The following FCRLA variants were observed in gnomAD, a reference collection of about 807,000 sequenced individuals.
FCRLA encodes Fc receptor-like A.
FCRLA carries 26 observed loss-of-function variants against 28.4 expected under a neutral mutation model. The ratio of observed to expected loss-of-function variants is 0.91; its 90% CI spans 0.67 to 1.27. The LOEUF (loss-of-function observed/expected upper bound fraction) is 1.27. FCRLA is among the 50% of genes most tolerant of loss of function. The pLI is 0.00. For synonymous variants in FCRLA, 174 were observed against 168.5 expected (o/e 1.03, Z -0.25); for missense variants, 422 against 433.1 (o/e 0.97, Z 0.23).
intron 1 of FCRLA, 30 bp downstream of exon 1, chr1:161,707,373 G>A (rs1486814857): frequency 1.3e-6 from 2 of 1,552,446 alleles, no homozygotes; most frequent in Non-Finnish European, 1.7e-6. Flanking sequence ...ATTGGTGTGG[G>A]AATGGAGCTT....
chr1:161,711,516 G>A (rs1449941507), intron 3 of FCRLA, 42 bp downstream of exon 3: 2 of 1,568,362 alleles, frequency 1.3e-6, no homozygotes, highest in East Asian at 4.5e-5. Context: ...GGGAGGGTAA[G>A]GAGAGACAGG....
At position 161,712,152 on chromosome 1, in the gene FCRLA, T is replaced by G; in HGVS notation, c.718T>G (p.Cys240Gly). The G allele has an allele frequency of 1.2e-6, 2 of 1,614,078 alleles. No homozygotes were observed. The highest frequency in any genetic ancestry group is 1.7e-6 in the Non-Finnish European group (2 of 1,180,002). Residue 240 changes from cysteine to glycine, a missense_variant, in exon 4 of 5, where the codon TGT (cysteine) becomes GGT (glycine). Coordinates refer to ENST00000236938, the MANE Select transcript of FCRLA (RefSeq NM_032738.4). Reference sequence around the variant, plus strand: ...AGAAGATCACTCCGGGTCATACTGGTGTGAGGCAGCCACTGAGGACAACCA... The same window carrying G: ...AGAAGATCACTCCGGGTCATACTGGGGTGAGGCAGCCACTGAGGACAACCA... ...ASEDHSGSYWCEAATEDNQVW... is the reference protein window; with the variant it reads ...ASEDHSGSYWGEAATEDNQVW...
At chr1:161,710,289 G>T (rs889712227) in intron 1 of FCRLA, 2 of 613,262 alleles carry the variant, frequency 3.3e-6, no homozygotes, top group Non-Finnish European at 5.8e-6. Context: ...GTTTCTTTAA[G>T]ATTATAAAAT....
chr1:161,712,241 G>A, intron 4 of FCRLA, 23 bp downstream of exon 4: 1 of 1,597,688 alleles, frequency 6.3e-7, no homozygotes, highest in Non-Finnish European at 8.5e-7. Flanking sequence ...CAGAGTGCAG[G>A]TTGTCTGTTT....
chr1:161,710,699 G>T (rs1407102674), intron 1 of FCRLA, 61 bp from the exon 2 acceptor site: 1 of 1,597,962 alleles, frequency 6.3e-7, no homozygotes, highest in Non-Finnish European at 8.6e-7. Flanking sequence ...GAGGAACCCT[G>T]TCCTCTTTCT....
At chr1:161,712,985 C>T (rs1683178290) in intron 4 of FCRLA, 100 bp from the exon 5 acceptor site, 1 of 1,398,936 alleles carries the variant, frequency 7.1e-7, no homozygotes, top group South Asian at 1.4e-5. Flanking sequence ...CATTGGGCCC[C>T]ACAGCCACTT....
At chr1:161,711,134 G>A (rs575580699) in intron 2 of FCRLA, 74 bp from the exon 3 acceptor site, 1 of 1,542,966 alleles carries the variant, frequency 6.5e-7, no homozygotes, top group Non-Finnish European at 8.7e-7. Context: ...AGAAAGTTTA[G>A]GGGAGTAGGC....
In FCRLA at chr1:161,710,632, A is replaced by G. The variant is rs947614401; in HGVS notation, c.80-128A>G. 6.2e-6 allele frequency: 9 copies of G among 1,457,088 alleles called. No individual in the cohort carries two copies. The Admixed American group carries it at 1.7e-4, about 28-fold the overall frequency. 90.3% of individuals were successfully genotyped at this position (1,457,088 alleles called of 1,614,324 possible). ...TCTCAGGGGTCTTTCCGAAAAAAAA[A>G]AAGGTTTTGATGTCTTACTAGTCTC... On this transcript the variant is annotated intron_variant, in intron 1 of 4. Coordinates refer to ENST00000236938, the MANE Select transcript of FCRLA (RefSeq NM_032738.4).
chr1:161,713,019 A>G (rs1683181020), intron 4 of FCRLA, 66 bp from the exon 5 acceptor site: 4 of 1,523,332 alleles, frequency 2.6e-6, no homozygotes, highest in Middle Eastern at 2.1e-4. Flanking sequence ...AAGATTGGCC[A>G]GGGATGGGAG....
At position 161,710,804 on chromosome 1, in the gene FCRLA, G is replaced by A; in HGVS notation, c.124G>A (p.Glu42Lys). The change falls in exon 2 of 5, where the codon GAG (glutamate) becomes AAG (lysine). Residue 42 changes from glutamate to lysine, a missense_variant. By Grantham distance (56) the Glu-to-Lys change is moderately conservative (BLOSUM62 1). Coordinates refer to ENST00000236938, the MANE Select transcript of FCRLA (RefSeq NM_032738.4). ...TLQCEGPVCT[E>K]ESSCHTEDDL... is the part of the protein sequence containing the mutation. ...GCAGTGTGAGGGACCTGTCTGCACT[G>A]AGGAGAGCAGCTGCCACACGGAGGA... The A allele has an allele frequency of 6.2e-7, 1 of 1,614,134 alleles. No homozygotes were observed. The highest frequency in any genetic ancestry group is 1.3e-5 in the African/African-American group (1 of 75,048).
At chr1:161,711,889 A>G (rs371288852) in intron 3 of FCRLA, 45 bp from the exon 4 acceptor site, 1 of 1,565,588 alleles carries the variant, frequency 6.4e-7, no homozygotes, top group African/African-American at 1.4e-5. Context: ...GTCTACCTGT[A>G]TATAAGATGG....
chr1:161,711,236 G>T lies in FCRLA; in HGVS notation c.261G>T (p.Lys87Asn). ...GGCTGATCCTCCAAGGTCCAGCCAA[G>T]CCAGTTTTTGAAGGGGACCTGCTGG... ...YDWLILQGPA[K>N]PVFEGDLLVL... The change falls in exon 3 of 5, where the codon AAG becomes AAT. Residue 87 changes from lysine to asparagine, a missense_variant. Coordinates refer to ENST00000236938, the MANE Select transcript of FCRLA (RefSeq NM_032738.4). 1 of 1,614,104 alleles carries T rather than the reference G, an allele frequency of 6.2e-7. No homozygotes were observed. The highest frequency in any genetic ancestry group is 1.1e-5 in the South Asian group (1 of 91,074).
At chr1:161,711,051 G>A (rs2101657260) in intron 2 of FCRLA, 139 bp downstream of exon 2, 1 of 1,431,448 alleles carries the variant, frequency 7.0e-7, no homozygotes, top group Non-Finnish European at 9.5e-7. Flanking sequence ...CAACCAGGGT[G>A]CTCTAAGTCC....
Position 161,710,794 on chromosome 1 carries a change from T to G in FCRLA, c.114T>G (p.Pro38=), listed in dbSNP as rs778213332. ...TTGAGACGCTGCAGTGTGAGGGACC[T>G]GTCTGCACTGAGGAGAGCAGCTGCC... The part of the protein sequence containing the change: ...ASFETLQCEG[P]VCTEESSCHT... The change falls in exon 2 of 5, where the codon CCT becomes CCG. Residue 38 remains proline (P), a synonymous_variant. Transcript: ENST00000236938. The G allele has an allele frequency of 6.2e-7, 1 of 1,614,138 alleles. No homozygotes were observed. The highest frequency in any genetic ancestry group is 1.7e-5 in the Admixed American group (1 of 60,020).
intron 1 of FCRLA, among the ~76,000 whole-genome samples, chr1:161,707,996 T>A (rs2101650241): frequency 6.6e-6 from 1 of 152,336 alleles, no homozygotes; most frequent in South Asian, 2.1e-4. Flanking sequence ...ATTTGTCTGT[T>A]TAATTTTTGC....
chr1:161,711,098 G>A (rs1014837622), intron 2 of FCRLA, 110 bp from the exon 3 acceptor site: 2 of 1,483,408 alleles, frequency 1.3e-6, no homozygotes, highest in African/African-American at 2.8e-5. Context: ...TCCCAACCAG[G>A]GGTGAGAGTT....
intron 1 of FCRLA, among the ~76,000 whole-genome samples, chr1:161,707,877 T>C (rs888130324): frequency 6.6e-6 from 1 of 152,196 alleles, no homozygotes; most frequent in African/African-American, 2.4e-5. Context: ...TGGACTTCTC[T>C]TGATCCCTTA....
At chr1:161,711,869 A>C in intron 3 of FCRLA, 65 bp from the exon 4 acceptor site, 1 of 1,518,296 alleles carries the variant, frequency 6.6e-7, no homozygotes, top group East Asian at 2.3e-5. Flanking sequence ...AAGTCTCTTC[A>C]CCTGCATGTG....
intron 1 of FCRLA, 35 bp downstream of exon 1, chr1:161,707,378 G>C: frequency 1.3e-6 from 2 of 1,545,878 alleles, no homozygotes; most frequent in Non-Finnish European, 1.7e-6. Context: ...TGTGGGAATG[G>C]AGCTTTGCTT....
Sources: allele counts gnomAD v4.1 joint callset (sites outside exome capture counted in the v4.1 genomes callset), GRCh38; gene constraint gnomAD v4.1.1; transcripts MANE v1.5; gene names NCBI Gene and HGNC (gene_info 2026-07-23, HGNC 2026-07-21).